Variants in EPHA6 observed in about 807,000 individuals in gnomAD.
The protein encoded by EPHA6 is EPH receptor A6.
Under a neutral mutation model 112.0 loss-of-function variants are expected in EPHA6, and 50 were observed. That is an observed-to-expected ratio of 0.45 (90% CI 0.36 to 0.56). The LOEUF is 0.56. Ranked by LOEUF, EPHA6 falls within the 20% of genes least tolerant of loss-of-function variation. The pLI, the probability that EPHA6 is intolerant of heterozygous loss-of-function variation, is 0.00. For missense variants in EPHA6, 1,280 were observed against 1,417.4 expected (o/e 0.90, Z 1.56); for synonymous variants, 529 against 490.7 (o/e 1.08, Z -1.03).
intron 3 of EPHA6, among the ~76,000 whole-genome samples, chr3:96,999,217 T>C (rs955669275): frequency 6.6e-6 from 1 of 151,978 alleles, no homozygotes; most frequent in Non-Finnish European, 1.5e-5. Context: ...TCTGTTACTG[T>C]GTCATCAGTT....
chr3:97,377,041 G>A (rs1024891677), intron 5 of EPHA6, among the ~76,000 whole-genome samples: 1 of 152,170 alleles, frequency 6.6e-6, no homozygotes, highest in Non-Finnish European at 1.5e-5. Flanking sequence ...CCTGCACTGT[G>A]TAATGCTAAA....
chr3:97,427,794 T>C (rs538941944), intron 6 of EPHA6, among the ~76,000 whole-genome samples: 2 of 151,776 alleles, frequency 1.3e-5, no homozygotes, highest in South Asian at 4.2e-4. Flanking sequence ...TCAAGGGCAT[T>C]ATCCTAAGCC....
chr3:97,426,851 G>A (rs1303759796), intron 6 of EPHA6, among the ~76,000 whole-genome samples: 2 of 151,956 alleles, frequency 1.3e-5, no homozygotes, highest in Admixed American at 6.6e-5. Flanking sequence ...ATTAACAGGC[G>A]AAAGGCAGCC....
At chr3:97,544,392 A>G (rs1378157638) in intron 11 of EPHA6, among the ~76,000 whole-genome samples, 1 of 152,160 alleles carries the variant, frequency 6.6e-6, no homozygotes, top group African/African-American at 2.4e-5. Context: ...GCTGGATTAC[A>G]TTTATTGATT....
intron 10 of EPHA6, among the ~76,000 whole-genome samples, chr3:97,494,173 A>G (rs774933268): frequency 2.6e-4 from 39 of 152,208 alleles, no homozygotes; most frequent in African/African-American, 7.7e-4. Context: ...ATTAACATCA[A>G]TGTAACTTGT....
rs560662769 is a variant in EPHA6 at position 97,532,605 on chromosome 3, A to G, written c.2386+62A>G. On this transcript the variant is annotated intron_variant, in intron 11 of 17. Coordinates refer to ENST00000389672, the MANE Select transcript of EPHA6 (RefSeq NM_001080448.3). ...ACCTATCTCAGTTTTTTTTTAAGAA[A>G]AGGAAAAATCTTCATAATAATACCA... 3.5e-4 allele frequency: 495 copies of G among 1,402,730 alleles called. 1 individual carries two copies. Among genetic ancestry groups the G allele is most frequent in the South Asian group, 2.7e-3 (194 of 71,276 alleles). 86.9% of individuals were successfully genotyped at this position (1,402,730 alleles called of 1,614,324 possible). A position where few individuals can be genotyped will look rare whatever the true frequency, so the allele number is the denominator to read the frequency against.
chr3:97,144,464 T>C (rs1423688824), intron 3 of EPHA6, among the ~76,000 whole-genome samples: 6 of 151,042 alleles, frequency 4.0e-5, no homozygotes, highest in African/African-American at 1.4e-4. Context: ...TAGCTTTTTT[T>C]TTTTCATCTG....
intron 5 of EPHA6, among the ~76,000 whole-genome samples, chr3:97,392,805 A>G (rs989680602): frequency 8.6e-5 from 13 of 151,720 alleles, no homozygotes; most frequent in Non-Finnish European, 1.5e-4. Context: ...TTTTACCTTT[A>G]AAATAGCTTT....
At position 97,204,620 on chromosome 3, in the gene EPHA6, C is replaced by G. The variant is rs182743670; in HGVS notation, c.1115-21644C>G. 3.3e-5 allele frequency among the ~76,000 whole-genome samples: 5 copies of G among 152,076 alleles called. No individual in the cohort carries two copies. In the East Asian group the frequency reaches 9.7e-4, roughly 29 times the overall value. On this transcript the variant is annotated intron_variant, in intron 3 of 17. Coordinates refer to ENST00000389672, the MANE Select transcript of EPHA6 (RefSeq NM_001080448.3). ...CTGTGTTCTTTCTATGAGAATTTAA[C>G]GCAGAGAAGAAGTTTCTATATTTTT...
chr3:97,649,733 G>C (rs891474602), intron 14 of EPHA6, among the ~76,000 whole-genome samples: 1 of 151,044 alleles, frequency 6.6e-6, no homozygotes, highest in Non-Finnish European at 1.5e-5. Flanking sequence ...AAAGAGCTAT[G>C]CCACTTGGGA....
chr3:97,543,930 T>C (rs1015434525), intron 11 of EPHA6, among the ~76,000 whole-genome samples: 9 of 152,172 alleles, frequency 5.9e-5, no homozygotes, highest in African/African-American at 2.4e-5. Context: ...GTGATTTTTG[T>C]ACATTGATTT....
At chr3:97,450,451 A>G (rs1417617981) in intron 7 of EPHA6, among the ~76,000 whole-genome samples, 1 of 152,072 alleles carries the variant, frequency 6.6e-6, no homozygotes, top group Non-Finnish European at 1.5e-5. Context: ...TGAGTATTGC[A>G]TTTTTAAGTG....
At chr3:97,254,470 G>C (rs556271514) in intron 5 of EPHA6, among the ~76,000 whole-genome samples, 29 of 152,166 alleles carry the variant, frequency 1.9e-4, no homozygotes, top group Non-Finnish European at 4.0e-4. Flanking sequence ...TTACAGGCGT[G>C]AGCCATTGTG....
At chr3:97,289,176 A>T (rs888359952) in intron 5 of EPHA6, among the ~76,000 whole-genome samples, 5 of 152,052 alleles carry the variant, frequency 3.3e-5, no homozygotes, top group Non-Finnish European at 7.4e-5. Context: ...CCAGAATGGC[A>T]TTTCCTAGGT....
chr3:96,970,428 A>G (rs574204627), intron 2 of EPHA6, among the ~76,000 whole-genome samples: 1 of 152,154 alleles, frequency 6.6e-6, no homozygotes, highest in South Asian at 2.1e-4. Flanking sequence ...GTTTCTGTTC[A>G]CCTGAGTCAT....
chr3:97,169,971 T>G (rs2076648089), intron 3 of EPHA6, among the ~76,000 whole-genome samples: 1 of 151,840 alleles, frequency 6.6e-6, no homozygotes, highest in African/African-American at 2.4e-5. Context: ...TCAGGGGGTT[T>G]GGGAAAAGGG....
At chr3:97,236,065 A>ATGCTC (rs2078670634) in intron 4 of EPHA6, among the ~76,000 whole-genome samples, 1 of 151,962 alleles carries the variant, frequency 6.6e-6, no homozygotes, top group African/African-American at 2.4e-5. Context: ...CATTAAATAT[A>ATGCTC]TGCTCTGTAC....
intron 10 of EPHA6, among the ~76,000 whole-genome samples, chr3:97,496,180 C>T (rs1218697059): frequency 6.6e-6 from 1 of 152,100 alleles, no homozygotes; most frequent in Non-Finnish European, 1.5e-5. Context: ...CATGGACTTT[C>T]CATGTGGTCT....
chr3:96,951,852 T>C (rs2041549567), intron 2 of EPHA6, among the ~76,000 whole-genome samples: 1 of 152,266 alleles, frequency 6.6e-6, no homozygotes, highest in South Asian at 2.1e-4. Context: ...AGGTCATATA[T>C]TATAGCAGTT....
Sources: allele counts gnomAD v4.1 joint callset (sites outside exome capture counted in the v4.1 genomes callset), GRCh38; gene constraint gnomAD v4.1.1; transcripts MANE v1.5; gene names NCBI Gene and HGNC (gene_info 2026-07-23, HGNC 2026-07-21).